The following HS2ST1 variants were observed in gnomAD, a reference collection of about 807,000 sequenced individuals.
The protein encoded by HS2ST1 is heparan sulfate 2-O-sulfotransferase 1.
Under a neutral mutation model 42.9 loss-of-function variants are expected in HS2ST1, and 18 were observed. The ratio of observed to expected loss-of-function variants is 0.42; its 90% CI spans 0.29 to 0.62. The LOEUF (loss-of-function observed/expected upper bound fraction) is 0.62. Among genes scored for constraint, HS2ST1 ranks in the 20% least tolerant of loss-of-function variants. The pLI, the probability that HS2ST1 is intolerant of heterozygous loss-of-function variation, is 0.21. For synonymous variants in HS2ST1, 146 were observed against 152.9 expected, an observed-to-expected ratio of 0.95 and a Z score of 0.33; for missense variants, 334 against 433.8, an observed-to-expected ratio of 0.77 and a Z score of 2.04.
At chr1:87,016,440 T>G (rs544019367) in intron 1 of HS2ST1, among the ~76,000 whole-genome samples, 31 of 152,334 alleles carry the variant, frequency 2.0e-4, no homozygotes, top group African/African-American at 7.5e-4. Context: ...TACCCTTTCT[T>G]GCTTTCTTTC....
intron 5 of HS2ST1, 83 bp downstream of exon 5, chr1:87,098,018 TA>T (rs1652110834): frequency 6.3e-7 from 1 of 1,578,172 alleles, no homozygotes; most frequent in Non-Finnish European, 8.6e-7. Context: ...GGGCTAGATA[TA>T]GGGAAATCGG....
chr1:86,996,803 T>G (rs976145351), intron 1 of HS2ST1, among the ~76,000 whole-genome samples: 19 of 152,136 alleles, frequency 1.2e-4, no homozygotes, highest in African/African-American at 4.6e-4. Flanking sequence ...TGAAGATATC[T>G]CCAAGGAAAT....
chr1:87,013,031 A>G (rs949949751), intron 1 of HS2ST1, among the ~76,000 whole-genome samples: 23 of 152,160 alleles, frequency 1.5e-4, no homozygotes, highest in African/African-American at 5.5e-4. Flanking sequence ...GACTGTGTTC[A>G]TGGGCTAGCT....
intron 1 of HS2ST1, among the ~76,000 whole-genome samples, chr1:86,997,733 C>G (rs569902058): frequency 6.6e-6 from 1 of 152,252 alleles, no homozygotes; most frequent in Admixed American, 6.5e-5. Flanking sequence ...GTCAGTTAAT[C>G]TGATAAAAGT....
At chr1:86,940,857 G>A (rs1293142628) in intron 1 of HS2ST1, among the ~76,000 whole-genome samples, 1 of 152,094 alleles carries the variant, frequency 6.6e-6, no homozygotes, top group Admixed American at 6.6e-5. Context: ...TACCATGTGT[G>A]GTGGCATGTG....
At chr1:87,082,844 T>TG (rs1393044949) in intron 2 of HS2ST1, among the ~76,000 whole-genome samples, 1 of 152,168 alleles carries the variant, frequency 6.6e-6, no homozygotes, top group Non-Finnish European at 1.5e-5. Flanking sequence ...TCAGTTTCAG[T>TG]GGGGAAAAAA....
intron 1 of HS2ST1, among the ~76,000 whole-genome samples, chr1:86,966,513 G>A (rs571878193): frequency 2.6e-5 from 4 of 152,254 alleles, no homozygotes; most frequent in African/African-American, 9.6e-5. Flanking sequence ...GCATTCATAC[G>A]ATATTATTTC....
At chr1:87,041,524 A>G (rs2100605025) in intron 1 of HS2ST1, among the ~76,000 whole-genome samples, 1 of 152,336 alleles carries the variant, frequency 6.6e-6, no homozygotes, top group South Asian at 2.1e-4. Flanking sequence ...CTTTAAGCAC[A>G]GTGTTGTACA....
chr1:87,045,560 C>G (rs111509951), intron 1 of HS2ST1: 11 of 794,736 alleles, frequency 1.4e-5, no homozygotes, highest in Admixed American at 1.2e-4. Flanking sequence ...GTGCACAAGG[C>G]ACAAGAAACT....
intron 1 of HS2ST1, among the ~76,000 whole-genome samples, chr1:87,011,991 C>A (rs754503120): frequency 6.6e-6 from 1 of 152,142 alleles, no homozygotes; most frequent in African/African-American, 2.4e-5. Context: ...ACGTAATTAT[C>A]AATTCTCCTT....
intron 1 of HS2ST1, among the ~76,000 whole-genome samples, chr1:86,926,916 A>G (rs1372259418): frequency 6.6e-6 from 1 of 152,148 alleles, no homozygotes; most frequent in African/African-American, 2.4e-5. Context: ...ATGTTAGTTA[A>G]TTCTTTGAAG....
rs1184953664 is a variant in HS2ST1 at position 87,107,014 on chromosome 1, CA to C, written c.*2322del. 2 of 152,046 alleles carry C rather than the reference CA, an allele frequency of 1.3e-5. No individual in the cohort carries two copies. Among genetic ancestry groups the C allele is most frequent in the Non-Finnish European group, 2.9e-5 (2 of 67,922 alleles). The allele number at this position is 152,046 out of a possible 1,614,324, so 9.4% of individuals were successfully genotyped here. A position where few individuals can be genotyped will look rare whatever the true frequency, so the allele number is the denominator to read the frequency against. ...GCTAGTCAACCCTGCCATTTTACCA[CA>C]AAAGCAGCAATAGACATTATGTAAA... On this transcript the variant is annotated 3_prime_UTR_variant, in exon 7 of 7. Coordinates refer to ENST00000370550, the MANE Select transcript of HS2ST1 (RefSeq NM_012262.4).
rs546985829 is a variant in HS2ST1 at position 87,079,565 on chromosome 1, T to A, written c.364-4629T>A. ...AAGGTAAACCTCAGTTCAGCATCTT[T>A]TGATTCATTGTAAATTTTAAATCGG... On this transcript the variant is annotated intron_variant, in intron 2 of 6. Coordinates refer to ENST00000370550, the MANE Select transcript of HS2ST1 (RefSeq NM_012262.4). Among the ~76,000 whole-genome samples the A allele has an allele frequency of 2.6e-5, 4 of 152,366 alleles. No individual in the cohort carries two copies. The South Asian group carries it at 8.3e-4, about 32-fold the overall frequency.
chr1:86,920,773 T>C (rs751967771), intron 1 of HS2ST1, among the ~76,000 whole-genome samples: 2 of 152,352 alleles, frequency 1.3e-5, no homozygotes, highest in East Asian at 1.9e-4. Context: ...CCAGTACCTG[T>C]ACTTACGTAT....
intron 1 of HS2ST1, among the ~76,000 whole-genome samples, chr1:86,985,351 CAA>C (rs71082050): frequency 1.1e-4 from 3 of 26,914 alleles, no homozygotes; most frequent in African/African-American, 3.1e-4. Context: ...AGACTTGTAT[CAA>C]AAAAAAAAAA....
At chr1:87,008,323 A>G (rs1182576057) in intron 1 of HS2ST1, among the ~76,000 whole-genome samples, 1 of 152,206 alleles carries the variant, frequency 6.6e-6, no homozygotes, top group African/African-American at 2.4e-5. Context: ...AGGGCAAAAT[A>G]ATGTATAACA....
At chr1:86,950,655 A>G (rs909846046) in intron 1 of HS2ST1, among the ~76,000 whole-genome samples, 10 of 152,208 alleles carry the variant, frequency 6.6e-5, no homozygotes, top group African/African-American at 2.4e-4. Flanking sequence ...ATGATGCTGC[A>G]AGTAACATTC....
intron 5 of HS2ST1, among the ~76,000 whole-genome samples, chr1:87,101,200 C>T (rs544152354): frequency 9.2e-6 from 1 of 108,358 alleles, no homozygotes; most frequent in African/African-American, 3.5e-5. Flanking sequence ...CAGTCTCACT[C>T]TGTCAGCCAG....
intron 1 of HS2ST1, among the ~76,000 whole-genome samples, chr1:87,033,898 A>G (rs1282187833): frequency 6.6e-6 from 1 of 152,200 alleles, no homozygotes; most frequent in Non-Finnish European, 1.5e-5. Context: ...TTGACTTAAA[A>G]TTCCTTATAG....
Sources: gnomAD v4.1 joint callset for allele counts (sites outside exome capture counted in the v4.1 genomes callset) on GRCh38, gnomAD v4.1.1 for gene constraint, MANE v1.5 for transcripts, NCBI Gene and HGNC (gene_info 2026-07-23, HGNC 2026-07-21) for gene names.